EPHA6: variants seen among roughly 807,000 people sequenced by gnomAD.
EPHA6 encodes EPH receptor A6.
In EPHA6, 50 loss-of-function variants were observed where a neutral mutation model predicts 112.0. The ratio of observed to expected loss-of-function variants is 0.45; its 90% confidence interval spans 0.36 to 0.56. The LOEUF (loss-of-function observed/expected upper bound fraction) is 0.56, where lower values mean the gene tolerates loss of function less well. Among genes scored for constraint, EPHA6 ranks in the 20% least tolerant of loss-of-function variants. The pLI, the probability that EPHA6 is intolerant of heterozygous loss-of-function variation, is 0.00. For synonymous variants in EPHA6, 529 were observed against 490.7 expected (o/e 1.08, Z -1.03); for missense variants, 1,280 against 1,417.4 (o/e 0.90, Z 1.56).
chr3:97,638,339 G>A (rs1474101340), intron 14 of EPHA6, among the ~76,000 whole-genome samples: 2 of 151,934 alleles, frequency 1.3e-5, no homozygotes, highest in African/African-American at 2.4e-5. Flanking sequence ...CATGCTTAAC[G>A]TCCATGTCAT....
chr3:96,995,469 T>C (rs925238568), intron 3 of EPHA6, among the ~76,000 whole-genome samples: 48 of 152,254 alleles, frequency 3.2e-4, no homozygotes, highest in African/African-American at 1.1e-3. Context: ...CAGACTTTCA[T>C]CTATCTTGAA....
At chr3:96,882,817 C>G (rs1313285319) in intron 2 of EPHA6, among the ~76,000 whole-genome samples, 1 of 150,988 alleles carries the variant, frequency 6.6e-6, no homozygotes, top group South Asian at 2.1e-4. Context: ...GTTTCTTTAT[C>G]CACTCATTGA....
intron 3 of EPHA6, among the ~76,000 whole-genome samples, chr3:97,001,962 A>G (rs1233569839): frequency 6.6e-6 from 1 of 152,072 alleles, no homozygotes; most frequent in African/African-American, 2.4e-5. Flanking sequence ...TTGGACAGAG[A>G]TAACTATTGT....
At chr3:97,710,982 C>G (rs2033935913) in intron 14 of EPHA6, among the ~76,000 whole-genome samples, 1 of 152,172 alleles carries the variant, frequency 6.6e-6, no homozygotes, top group Admixed American at 6.5e-5. Flanking sequence ...TATCATCCAA[C>G]CATGGATAGA....
intron 11 of EPHA6, among the ~76,000 whole-genome samples, chr3:97,561,026 T>C (rs561066190): frequency 1.3e-5 from 2 of 152,124 alleles, no homozygotes; most frequent in East Asian, 3.9e-4. Context: ...ACAATGCCCA[T>C]GTAAGATGGT....
chr3:97,027,369 T>C (rs2044676769), intron 3 of EPHA6, among the ~76,000 whole-genome samples: 1 of 151,884 alleles, frequency 6.6e-6, no homozygotes, highest in South Asian at 2.1e-4. Context: ...GATGAAATAA[T>C]CTGTACAACA....
chr3:96,861,054 AC>A (rs1559780362), intron 1 of EPHA6, among the ~76,000 whole-genome samples: 1 of 151,760 alleles, frequency 6.6e-6, no homozygotes. Flanking sequence ...TCACATCCAC[AC>A]CCGAGTTATC....
intron 14 of EPHA6, among the ~76,000 whole-genome samples, chr3:97,703,006 G>A (rs765851853): frequency 6.6e-6 from 1 of 152,138 alleles, no homozygotes; most frequent in Non-Finnish European, 1.5e-5. Context: ...GATACTCAGG[G>A]AAGGGAGGGT....
chr3:97,559,590 G>C (rs1399035857), intron 11 of EPHA6: 1 of 454,672 alleles, frequency 2.2e-6, no homozygotes, highest in Non-Finnish European at 4.4e-6. Flanking sequence ...TCATATTTCA[G>C]AGCCACTGGA....
chr3:97,497,711 T>C (rs1560071839), intron 10 of EPHA6, among the ~76,000 whole-genome samples: 1 of 151,932 alleles, frequency 6.6e-6, no homozygotes, highest in Non-Finnish European at 1.5e-5. Flanking sequence ...AAAAACCTAG[T>C]GTAGGGTTGA....
At chr3:97,113,273 A>G (rs1362623959) in intron 3 of EPHA6, among the ~76,000 whole-genome samples, 2 of 152,140 alleles carry the variant, frequency 1.3e-5, no homozygotes, top group Non-Finnish European at 2.9e-5. Flanking sequence ...CAAGAAACTT[A>G]CTGGGAAATC....
intron 6 of EPHA6, among the ~76,000 whole-genome samples, chr3:97,443,570 G>A (rs936598479): frequency 3.9e-5 from 6 of 152,042 alleles, no homozygotes; most frequent in African/African-American, 1.4e-4. Flanking sequence ...TATATTCCAT[G>A]CAAGACTGGG....
At chr3:97,520,137 TTG>T (rs1397885734) in intron 10 of EPHA6, among the ~76,000 whole-genome samples, 2 of 151,892 alleles carry the variant, frequency 1.3e-5, no homozygotes, top group Non-Finnish European at 2.9e-5. Context: ...CCAGCTAATG[TTG>T]TGTGTTCTTA....
At chr3:97,319,101 G>A (rs928359796) in intron 5 of EPHA6, among the ~76,000 whole-genome samples, 2 of 151,236 alleles carry the variant, frequency 1.3e-5, no homozygotes, top group Admixed American at 6.6e-5. Flanking sequence ...GACATCACTT[G>A]TACTTTTATC....
At chr3:97,711,104 G>A (rs1467725245) in intron 14 of EPHA6, among the ~76,000 whole-genome samples, 1 of 152,126 alleles carries the variant, frequency 6.6e-6, no homozygotes, top group Non-Finnish European at 1.5e-5. Flanking sequence ...TGAATCGTGG[G>A]AGTAAGTCTT....
intron 3 of EPHA6, among the ~76,000 whole-genome samples, chr3:97,124,387 A>C (rs1230305453): frequency 6.6e-6 from 1 of 151,910 alleles, no homozygotes; most frequent in Non-Finnish European, 1.5e-5. Flanking sequence ...GCATTTTTAA[A>C]TATAGAGTTG....
At chr3:97,068,154 C>CAAAA (rs1396275493) in intron 3 of EPHA6, among the ~76,000 whole-genome samples, 2 of 60,992 alleles carry the variant, frequency 3.3e-5, no homozygotes, top group Admixed American at 2.0e-4. Flanking sequence ...GACTCCATCT[C>CAAAA]AAAAAAAAAA....
At chr3:96,913,184 A>G (rs1345949117) in intron 2 of EPHA6, among the ~76,000 whole-genome samples, 1 of 140,714 alleles carries the variant, frequency 7.1e-6, no homozygotes, top group Non-Finnish European at 1.6e-5. Flanking sequence ...ACACACACAC[A>G]CACACACACA....
chr3:97,007,872 G>A (rs566731847), intron 3 of EPHA6, among the ~76,000 whole-genome samples: 1 of 152,258 alleles, frequency 6.6e-6, no homozygotes, highest in Admixed American at 6.5e-5. Context: ...AACTTAGTTT[G>A]GCTGGATATT....
Sources: allele counts gnomAD v4.1 joint callset (sites outside exome capture counted in the v4.1 genomes callset), GRCh38; gene constraint gnomAD v4.1.1; transcripts MANE v1.5; gene names NCBI Gene and HGNC (gene_info 2026-07-23, HGNC 2026-07-21).